The following FRMPD4 variants were observed in gnomAD, a reference collection of about 807,000 sequenced individuals.
The protein encoded by FRMPD4 is FERM and PDZ domain-containing protein 4.
In FRMPD4, 22 loss-of-function variants were observed where a neutral mutation model predicts 94.1. The observed-to-expected ratio is 0.23, with a 90% CI of 0.17 to 0.33. The LOEUF (loss-of-function observed/expected upper bound fraction) is 0.33, where lower values mean the gene tolerates loss of function less well. FRMPD4 is among the 10% of genes least tolerant of loss of function. The probability of loss-of-function intolerance (pLI) is 1.00; values close to 1 mark genes in which losing one functional copy is unlikely to be tolerated. For synonymous variants in FRMPD4, 631 were observed against 548.6 expected (o/e 1.15, Z -2.10); for missense variants, 1,111 against 1,339.9 (o/e 0.83, Z 2.67).
At chrX:11,909,234 A>T (rs959029323) in intron 3 of FRMPD4, among the ~76,000 whole-genome samples, 2 of 111,955 alleles carry the variant, frequency 1.8e-5, no homozygotes, top group African/African-American at 6.5e-5. Flanking sequence ...TCTTTAATAG[A>T]TGTAGGCTAT....
At chrX:12,182,147 C>T (rs2147670996) in intron 1 of FRMPD4, among the ~76,000 whole-genome samples, 1 of 111,379 alleles carries the variant, frequency 9.0e-6, no homozygotes, top group African/African-American at 3.3e-5. Context: ...AAAATAAAAA[C>T]AGAGTGGAGT....
At chrX:12,014,689 A>G (rs1951173728) in intron 3 of FRMPD4, among the ~76,000 whole-genome samples, 1 of 111,851 alleles carries the variant, frequency 8.9e-6, no homozygotes, top group African/African-American at 3.2e-5. Context: ...AATTATATAC[A>G]TACTGGAGTG....
At chrX:12,536,900 T>A (rs1438735188) in intron 2 of FRMPD4, among the ~76,000 whole-genome samples, 1 of 111,655 alleles carries the variant, frequency 9.0e-6, no homozygotes, top group African/African-American at 3.3e-5. Context: ...TATTTAAAAT[T>A]TTGATAATTC....
chrX:11,964,919 A>G (rs973098297), intron 3 of FRMPD4, among the ~76,000 whole-genome samples: 1 of 112,462 alleles, frequency 8.9e-6, no homozygotes, highest in Non-Finnish European at 1.9e-5. Flanking sequence ...TTAGTGGGCA[A>G]CCCACATTCC....
At chrX:11,906,213 T>A (rs980106070) in intron 3 of FRMPD4, among the ~76,000 whole-genome samples, 3 of 109,060 alleles carry the variant, frequency 2.8e-5, no homozygotes, top group Admixed American at 9.9e-5. Flanking sequence ...AGTGGCGAGG[T>A]CTCAGCTTAC....
intron 1 of FRMPD4, among the ~76,000 whole-genome samples, chrX:12,409,864 C>T (rs777371014): frequency 9.0e-6 from 1 of 111,497 alleles, no homozygotes; most frequent in African/African-American, 3.2e-5. Context: ...GTAATATCAC[C>T]TTTGAATTCT....
At chrX:12,286,584 A>C (rs1361504851) in intron 1 of FRMPD4, among the ~76,000 whole-genome samples, 1 of 112,332 alleles carries the variant, frequency 8.9e-6, no homozygotes, top group Non-Finnish European at 1.9e-5. Context: ...TGGGATATGC[A>C]CAAGAACCCC....
chrX:12,210,957 C>T (rs185514751), intron 1 of FRMPD4, among the ~76,000 whole-genome samples: 63 of 112,396 alleles, frequency 5.6e-4, no homozygotes, highest in Non-Finnish European at 8.3e-4. Flanking sequence ...GATCTAATTT[C>T]AAAGTGACAA....
At chrX:11,941,988 C>T (rs1361294061) in intron 3 of FRMPD4, among the ~76,000 whole-genome samples, 1 of 111,688 alleles carries the variant, frequency 9.0e-6, no homozygotes, top group Non-Finnish European at 1.9e-5. Context: ...TTTCCAGATG[C>T]ATATGAATGT....
chrX:12,504,271 G>A (rs1316025220), intron 2 of FRMPD4, among the ~76,000 whole-genome samples: 1 of 112,887 alleles, frequency 8.9e-6, no homozygotes, highest in Non-Finnish European at 1.9e-5. Flanking sequence ...CTAGCAATAT[G>A]TTAGAAAACA....
intron 3 of FRMPD4, among the ~76,000 whole-genome samples, chrX:11,989,895 T>G (rs975013022): frequency 4.5e-5 from 5 of 110,916 alleles, no homozygotes; most frequent in African/African-American, 1.6e-4. Flanking sequence ...AGGAAAGGAG[T>G]TTAGTGATTC....
rs926151782 is a variant in FRMPD4 at position 12,139,031 on chromosome X, C to G, written c.41+19C>G. 8.9e-7 allele frequency: 1 copy of G among 1,118,916 alleles called. No homozygotes were observed. The highest frequency in any genetic ancestry group is 1.2e-6 in the Non-Finnish European group (1 of 844,677). 92.2% of individuals were successfully genotyped at this position (1,118,916 alleles called of 1,213,427 possible). On this transcript the variant is annotated intron_variant, in intron 1 of 16. Transcript: ENST00000675598. Reference sequence around the variant, plus strand: ...TTTCGAGGTAGGGGCTGCGCGGGTTCCGTTTGCACCCAGGGCCGCTGCCGC... The same window carrying G: ...TTTCGAGGTAGGGGCTGCGCGGGTTGCGTTTGCACCCAGGGCCGCTGCCGC...
intron 1 of FRMPD4, among the ~76,000 whole-genome samples, chrX:12,176,012 C>T (rs1397642638): frequency 8.9e-6 from 1 of 112,116 alleles, no homozygotes; most frequent in Non-Finnish European, 1.9e-5. Flanking sequence ...AAATAAAGAG[C>T]CCTGACTTAC....
chrX:12,538,679 A>G (rs375012966), intron 2 of FRMPD4, among the ~76,000 whole-genome samples: 16 of 111,901 alleles, frequency 1.4e-4, no homozygotes, highest in East Asian at 8.5e-4. Context: ...GCCTCCGCTG[A>G]TACCCAGGCA....
chrX:12,280,416 G>C (rs5979562), intron 1 of FRMPD4, among the ~76,000 whole-genome samples: 1,848 of 109,925 alleles, frequency 0.017, 40 homozygotes, highest in African/African-American at 0.058. Flanking sequence ...GAGATTTGGG[G>C]TTCAGGTTCC....
intron 1 of FRMPD4, among the ~76,000 whole-genome samples, chrX:12,170,358 A>C (rs1802380706): frequency 9.0e-6 from 1 of 110,575 alleles, no homozygotes; most frequent in African/African-American, 3.3e-5. Context: ...CATTTATTAT[A>C]AGATGAACCT....
chrX:12,114,786 G>A (rs2055393988), intron 3 of FRMPD4, among the ~76,000 whole-genome samples: 1 of 112,229 alleles, frequency 8.9e-6, no homozygotes, highest in South Asian at 3.7e-4. Flanking sequence ...ATAAATAACT[G>A]TGTAACAGAC....
Position 11,902,750 on chromosome X carries a change from T to A in FRMPD4, c.95+24732T>A, listed in dbSNP as rs1465282112. ...TGGGAAATAATCTCTTAGAATGGAA[T>A]CGAAATGGAAATGGTGGGGGCCTCT... On this transcript the variant is annotated intron_variant, in intron 3 of 18. Transcript: ENST00000640291. Among the ~76,000 whole-genome samples the A allele has an allele frequency of 5.4e-5, 6 of 111,212 alleles. No individual in the cohort carries two copies. The South Asian group carries it at 1.2e-3, about 21-fold the overall frequency.
chrX:12,693,816 A>G (rs1437060438), intron 8 of FRMPD4, among the ~76,000 whole-genome samples: 2 of 112,121 alleles, frequency 1.8e-5, no homozygotes, highest in Non-Finnish European at 3.8e-5. Flanking sequence ...ACTAACAGCC[A>G]GCATCTGCAG....
Sources: allele counts gnomAD v4.1 joint callset (sites outside exome capture counted in the v4.1 genomes callset), GRCh38; gene constraint gnomAD v4.1.1; transcripts MANE v1.5; gene names NCBI Gene and HGNC (gene_info 2026-07-23, HGNC 2026-07-21).